NBEA: variants seen among roughly 807,000 people sequenced by gnomAD.
The protein encoded by NBEA is lysosomal-trafficking regulator 2.
Under a neutral mutation model 343.4 loss-of-function variants are expected in NBEA, and 44 were observed. The observed-to-expected ratio is 0.13, with a 90% confidence interval of 0.10 to 0.16. NBEA has a LOEUF of 0.16. NBEA is among the 10% of genes least tolerant of loss of function. The pLI is 1.00. For missense variants in NBEA, 2,555 were observed against 3,631.3 expected (o/e 0.70, Z 7.62); for synonymous variants, 1,175 against 1,238.7 (o/e 0.95, Z 1.08).
chr13:35,444,292 A>G (rs1941897846), intron 39 of NBEA, among the ~76,000 whole-genome samples: 1 of 151,978 alleles, frequency 6.6e-6, no homozygotes, highest in South Asian at 2.1e-4. Context: ...TTTTCCTTTT[A>G]GTGGAAATTA....
intron 48 of NBEA, among the ~76,000 whole-genome samples, chr13:35,620,522 G>A (rs947207285): frequency 6.6e-6 from 1 of 152,132 alleles, no homozygotes; most frequent in Non-Finnish European, 1.5e-5. Flanking sequence ...GAGTAGTAGT[G>A]GGGGAGCATC....
intron 36 of NBEA, among the ~76,000 whole-genome samples, chr13:35,324,883 CA>C (rs1398312568): frequency 6.6e-6 from 1 of 151,954 alleles, no homozygotes; most frequent in Non-Finnish European, 1.5e-5. Context: ...AACAAACAAA[CA>C]AAAAATCATC....
chr13:35,357,746 C>A lies in NBEA; in HGVS notation c.6179+5423C>A, dbSNP rs141501277. Among the ~76,000 whole-genome samples the A allele has an allele frequency of 7.2e-5, 11 of 152,112 alleles. 1 individual carries two copies. Among genetic ancestry groups the A allele is most frequent in the African/African-American group, 2.4e-4 (10 of 41,518 alleles). On this transcript the variant is annotated intron_variant, in intron 38 of 58. Transcript: ENST00000379939. ...TCATGTCTTTTGAACAAAGATTTTA[C>A]CTTCCTGATGTTCACCTTTTCTCAT...
chr13:35,518,663 A>G (rs1480278159), intron 41 of NBEA, among the ~76,000 whole-genome samples: 1 of 152,226 alleles, frequency 6.6e-6, no homozygotes, highest in African/African-American at 2.4e-5. Context: ...CTGCAGTTTT[A>G]TAAAAGGAAG....
At position 35,205,464 on chromosome 13, in the gene NBEA, A is replaced by T. The variant is rs564215723; in HGVS notation, c.5367-3236A>T. On this transcript the variant is annotated intron_variant, in intron 31 of 58. Transcript: ENST00000379939. ...TTCTTATCAGACTTTCAGATTTTTT[A>T]AAAATGCTGTAACTTTTTCTCACCC... 1.9e-3 allele frequency among the ~76,000 whole-genome samples: 296 copies of T among 152,196 alleles called. 1 individual carries two copies. Among genetic ancestry groups the T allele is most frequent in the African/African-American group, 6.9e-3 (286 of 41,544 alleles).
At chr13:35,435,468 T>C (rs540148448) in intron 39 of NBEA, among the ~76,000 whole-genome samples, 82 of 152,010 alleles carry the variant, frequency 5.4e-4, no homozygotes, top group African/African-American at 1.9e-3. Context: ...AACGGAGTAG[T>C]TAGGGGTAAT....
Position 35,200,298 on chromosome 13 carries a change from A to G in NBEA, c.5366+3996A>G, listed in dbSNP as rs182492815. On this transcript the variant is annotated intron_variant, in intron 31 of 58. Coordinates refer to ENST00000379939, the MANE Select transcript of NBEA (RefSeq NM_001385012.1). Reference sequence around the variant, plus strand: ...TGGAGTAATGCTTTTATCTAAAGCCACCAATTAACCTTTTACTTACCTTTT... The same window carrying G: ...TGGAGTAATGCTTTTATCTAAAGCCGCCAATTAACCTTTTACTTACCTTTT... Among the ~76,000 whole-genome samples, 137 of 152,018 alleles carry G rather than the reference A, an allele frequency of 9.0e-4. 1 individual carries two copies. Among genetic ancestry groups the G allele is most frequent in the Middle Eastern group, 3.4e-3 (1 of 292 alleles).
At chr13:35,387,448 A>G (rs1385638085) in intron 38 of NBEA, among the ~76,000 whole-genome samples, 1 of 151,932 alleles carries the variant, frequency 6.6e-6, no homozygotes, top group Non-Finnish European at 1.5e-5. Context: ...CACCTATTCT[A>G]TGTTGTTATA....
At chr13:35,207,958 C>A (rs1227164668) in intron 31 of NBEA, among the ~76,000 whole-genome samples, 2 of 152,102 alleles carry the variant, frequency 1.3e-5, no homozygotes, top group Non-Finnish European at 2.9e-5. Context: ...CGGTGGCTCA[C>A]GCCTGTAATC....
intron 38 of NBEA, among the ~76,000 whole-genome samples, chr13:35,394,253 G>A (rs1247132084): frequency 1.3e-5 from 2 of 152,230 alleles, no homozygotes; most frequent in African/African-American, 4.8e-5. Context: ...AGACGTTTAT[G>A]TATTTCTTTA....
intron 48 of NBEA, among the ~76,000 whole-genome samples, chr13:35,618,463 G>C (rs1315120696): frequency 6.6e-6 from 1 of 152,022 alleles, no homozygotes; most frequent in Non-Finnish European, 1.5e-5. Flanking sequence ...TTTAAGTTAT[G>C]GACAATAACA....
At chr13:35,140,157 C>A (rs1019976079) in intron 17 of NBEA, among the ~76,000 whole-genome samples, 2 of 151,830 alleles carry the variant, frequency 1.3e-5, no homozygotes, top group Admixed American at 1.3e-4. Flanking sequence ...ACTATAGGAG[C>A]CTGCCACTAT....
intron 56 of NBEA, 23 bp from the exon 57 acceptor site, chr13:35,667,351 G>A: frequency 2.5e-6 from 4 of 1,605,498 alleles, no homozygotes; most frequent in Non-Finnish European, 3.4e-6. Flanking sequence ...ACTGACCCTG[G>A]CATTGATGTC....
At chr13:35,657,405 T>C (rs1290122124) in intron 55 of NBEA, among the ~76,000 whole-genome samples, 1 of 152,220 alleles carries the variant, frequency 6.6e-6, no homozygotes, top group Non-Finnish European at 1.5e-5. Context: ...TTCAAATAAT[T>C]AGTTACCAAT....
intron 1 of NBEA, among the ~76,000 whole-genome samples, chr13:35,021,091 T>C (rs1446489471): frequency 6.6e-6 from 1 of 152,200 alleles, no homozygotes; most frequent in Non-Finnish European, 1.5e-5. Context: ...CTAATTTGTC[T>C]GATATTAATT....
chr13:35,272,262 G>A (rs929099996), intron 34 of NBEA, among the ~76,000 whole-genome samples: 3 of 152,020 alleles, frequency 2.0e-5, no homozygotes, highest in African/African-American at 7.2e-5. Flanking sequence ...ACTAACCTTC[G>A]TAAGTGAAGG....
At chr13:35,181,186 C>G (rs956505515) in intron 28 of NBEA, among the ~76,000 whole-genome samples, 1 of 151,814 alleles carries the variant, frequency 6.6e-6, no homozygotes, top group African/African-American at 2.4e-5. Flanking sequence ...TGGGTAAATA[C>G]CCAGTAGTGG....
chr13:35,272,425 C>T (rs867455180), intron 34 of NBEA, among the ~76,000 whole-genome samples: 5 of 152,218 alleles, frequency 3.3e-5, no homozygotes, highest in Middle Eastern at 3.4e-3. Context: ...AGACCCTCAA[C>T]GCTATGAAGA....
intron 30 of NBEA, chr13:35,186,480 A>G (rs898800770): frequency 1.3e-5 from 2 of 152,172 alleles, no homozygotes; most frequent in African/African-American, 4.8e-5. Context: ...TGTCATTGAA[A>G]TATAACTTAC....
Sources: allele counts gnomAD v4.1 joint callset (sites outside exome capture counted in the v4.1 genomes callset), GRCh38; gene constraint gnomAD v4.1.1; transcripts MANE v1.5; gene names NCBI Gene and HGNC (gene_info 2026-07-23, HGNC 2026-07-21).